The following TBC1D1 variants were observed in gnomAD, a reference collection of about 807,000 sequenced individuals.
TBC1D1 encodes the protein TBC1 (tre-2/USP6, BUB2, cdc16) domain family, member 1.
Under a neutral mutation model 125.6 loss-of-function variants are expected in TBC1D1, and 89 were observed. The ratio of observed to expected loss-of-function variants is 0.71; its 90% confidence interval spans 0.60 to 0.85. TBC1D1 has a LOEUF of 0.85. TBC1D1 is among the 40% of genes least tolerant of loss of function. The pLI is 0.00. For synonymous variants in TBC1D1, 565 were observed against 564.1 expected, an observed-to-expected ratio of 1.00 and a Z score of -0.02; for missense variants, 1,377 against 1,469.2, an observed-to-expected ratio of 0.94 and a Z score of 1.03.
chr4:37,961,192 T>C, intron 2 of TBC1D1: 6 of 835,966 alleles, frequency 7.2e-6, no homozygotes, highest in South Asian at 7.0e-5. Context: ...ATTTCTTCCA[T>C]ACTACAGCCC....
At position 37,898,227 on chromosome 4, in the gene TBC1D1, A is replaced by G. The variant is rs183243261; in HGVS notation, c.-93-3776A>G. 3.5e-3 allele frequency among the ~76,000 whole-genome samples: 528 copies of G among 152,300 alleles called. 1 individual carries two copies. Among genetic ancestry groups the G allele is most frequent in the African/African-American group, 0.012 (495 of 41,562 alleles). ...GAAGCTTACGGTCTTCTTGAGGGAC[A>G]CCTATTCAAACTCTTAAATATGGTG... On this transcript the variant is annotated intron_variant, in intron 1 of 19. Coordinates refer to ENST00000261439, the MANE Select transcript of TBC1D1 (RefSeq NM_015173.4).
rs79185253 is a variant in TBC1D1 at position 37,955,666 on chromosome 4, G to C, written c.417+53154G>C. On this transcript the variant is annotated intron_variant, in intron 2 of 19. Transcript: ENST00000261439. The stretch of plus-strand genomic sequence containing the variant: ...GATGCGAAACCCATGGGTAAAGAGG[G>C]TCAACTGTATATAAATTACAATGTG... Among the ~76,000 whole-genome samples, 1,407 of 152,236 alleles carry C rather than the reference G, an allele frequency of 9.2e-3. 20 individuals carry two copies. The highest frequency in any genetic ancestry group is 0.032 in the African/African-American group (1,310 of 41,514).
intron 2 of TBC1D1, among the ~76,000 whole-genome samples, chr4:37,934,937 A>G (rs1724074431): frequency 6.6e-6 from 1 of 151,912 alleles, no homozygotes; most frequent in Non-Finnish European, 1.5e-5. Flanking sequence ...CTGTGACCCC[A>G]GCTGACTGAG....
chr4:38,068,943 G>A (rs1156973420), intron 12 of TBC1D1, among the ~76,000 whole-genome samples: 2 of 152,348 alleles, frequency 1.3e-5, no homozygotes, highest in Admixed American at 6.5e-5. Context: ...TGCTTGTGTT[G>A]TACTGTCTCC....
chr4:37,967,141 A>G (rs968431626), intron 2 of TBC1D1, among the ~76,000 whole-genome samples: 1 of 152,190 alleles, frequency 6.6e-6, no homozygotes, highest in African/African-American at 2.4e-5. Flanking sequence ...AAGAGTGAGG[A>G]CATTCACAAA....
intron 2 of TBC1D1, among the ~76,000 whole-genome samples, chr4:37,998,567 C>T (rs1026532606): frequency 6.6e-6 from 1 of 152,168 alleles, no homozygotes; most frequent in African/African-American, 2.4e-5. Context: ...CTGTCCCTCC[C>T]CTCCTGACCT....
chr4:37,960,173 A>G (rs1274140489), intron 2 of TBC1D1, among the ~76,000 whole-genome samples: 1 of 152,088 alleles, frequency 6.6e-6, no homozygotes, highest in African/African-American at 2.4e-5. Context: ...CATTTTATGG[A>G]TGTGGAAATA....
chr4:38,119,488 G>A lies in TBC1D1; in HGVS notation c.2962+1296G>A, dbSNP rs141880048. 1.8e-3 allele frequency among the ~76,000 whole-genome samples: 266 copies of A among 151,738 alleles called. 1 individual carries two copies. Among genetic ancestry groups the A allele is most frequent in the African/African-American group, 6.1e-3 (251 of 41,394 alleles). The stretch of plus-strand genomic sequence containing the variant: ...TCTCCTGGTTGAGCATATCTTTAGT[G>A]AGAGTTCATGAAGGTTTATACCATG... On this transcript the variant is annotated intron_variant, in intron 17 of 19. Transcript: ENST00000261439.
intron 1 of TBC1D1, among the ~76,000 whole-genome samples, chr4:37,895,560 C>T (rs1239483996): frequency 2.6e-5 from 4 of 152,086 alleles, no homozygotes; most frequent in South Asian, 2.1e-4. Flanking sequence ...AAAGATCAGC[C>T]GGGCATGGTA....
intron 2 of TBC1D1, among the ~76,000 whole-genome samples, chr4:37,993,537 A>G (rs937264746): frequency 3.9e-5 from 6 of 152,108 alleles, no homozygotes; most frequent in African/African-American, 1.4e-4. Flanking sequence ...AAGCCCCTCA[A>G]CATACAGTAG....
In TBC1D1 at chr4:38,065,572, T is replaced by C. The variant is rs189410246; in HGVS notation, c.2050+11234T>C. Among the ~76,000 whole-genome samples, 28 of 152,244 alleles carry C rather than the reference T, an allele frequency of 1.8e-4. No homozygotes were observed. The East Asian group carries it at 4.1e-3, about 22-fold the overall frequency. ...ATATTAATAATAGCCATTGTAATTA[T>C]CTTTATCATGTATTAAGCATTTTGT... On this transcript the variant is annotated intron_variant, in intron 12 of 19. Coordinates refer to ENST00000261439, the MANE Select transcript of TBC1D1 (RefSeq NM_015173.4).
At chr4:37,986,920 G>C (rs192149443) in intron 2 of TBC1D1, among the ~76,000 whole-genome samples, 1 of 152,276 alleles carries the variant, frequency 6.6e-6, no homozygotes, top group Non-Finnish European at 1.5e-5. Context: ...GCAAGAAGAA[G>C]CACAGCCTGA....
chr4:38,026,280 C>T (rs1262665442), intron 6 of TBC1D1, among the ~76,000 whole-genome samples: 1 of 152,224 alleles, frequency 6.6e-6, no homozygotes, highest in Admixed American at 6.5e-5. Flanking sequence ...TAGGAGCAGC[C>T]ACCTCTGCCA....
At chr4:37,901,939 C>A in intron 1 of TBC1D1, 64 bp from the exon 2 acceptor site, 1 of 672,618 alleles carries the variant, frequency 1.5e-6, no homozygotes, top group South Asian at 2.3e-5. Context: ...GAAATAATAG[C>A]CCTTTGAAGG....
At chr4:38,116,559 C>G (rs1012125192) in intron 16 of TBC1D1, among the ~76,000 whole-genome samples, 9 of 152,128 alleles carry the variant, frequency 5.9e-5, no homozygotes, top group South Asian at 2.1e-4. Flanking sequence ...AGCCTGTGAA[C>G]TTTAGGAGAG....
At chr4:38,042,945 A>G (rs974850495) in intron 8 of TBC1D1, among the ~76,000 whole-genome samples, 13 of 152,194 alleles carry the variant, frequency 8.5e-5, no homozygotes, top group African/African-American at 3.1e-4. Context: ...TCTGTCGCCC[A>G]GGCTGGAGTG....
intron 19 of TBC1D1, among the ~76,000 whole-genome samples, chr4:38,135,134 C>G (rs10517470): frequency 0.095 from 14,427 of 152,192 alleles, 1,013 homozygotes; most frequent in East Asian, 0.31. Context: ...GAAGGGTGTT[C>G]AATACAGTAC....
chr4:38,051,923 G>A lies in TBC1D1; in HGVS notation c.1910+2025G>A, dbSNP rs565624108. ...GTGTGGATCCTTCACCTGTGGGTGA[G>A]TCTAAGCACCGCCCAGGTCAGTCTT... On this transcript the variant is annotated intron_variant, in intron 11 of 19. Transcript: ENST00000261439. The A allele has an allele frequency of 4.9e-4, 753 of 1,550,386 alleles. 1 individual carries two copies. The highest frequency in any genetic ancestry group is 5.9e-4 in the Non-Finnish European group (673 of 1,146,960).
intron 2 of TBC1D1, among the ~76,000 whole-genome samples, chr4:38,012,826 T>C (rs1421870689): frequency 6.6e-6 from 1 of 151,714 alleles, no homozygotes; most frequent in East Asian, 1.9e-4. Context: ...GACAGTCTTG[T>C]GCTGTCACCC....
Sources: gnomAD v4.1 joint callset for allele counts (sites outside exome capture counted in the v4.1 genomes callset) on GRCh38, gnomAD v4.1.1 for gene constraint, MANE v1.5 for transcripts, NCBI Gene and HGNC (gene_info 2026-07-23, HGNC 2026-07-21) for gene names.